The following ZNF484 variants were observed in gnomAD, a reference collection of about 807,000 sequenced individuals.
ZNF484 encodes the protein KRAB box containing C2H2 type zinc finger bA526D8.4.
In ZNF484, 11 loss-of-function variants were observed where a neutral mutation model predicts 12.9. That is an observed-to-expected ratio of 0.85 (90% CI 0.54 to 1.41). The LOEUF is 1.41. Among genes scored for constraint, ZNF484 ranks in the 40% most tolerant of loss-of-function variants. The pLI is 0.00. For synonymous variants in ZNF484, 289 were observed against 334.1 expected, an observed-to-expected ratio of 0.86 and a Z score of 1.47; for missense variants, 807 against 1,007.7, an observed-to-expected ratio of 0.80 and a Z score of 2.70.
chr9:92,862,428 G>A (rs530105525), intron 2 of ZNF484, among the ~76,000 whole-genome samples: 64 of 152,174 alleles, frequency 4.2e-4, no homozygotes, highest in Middle Eastern at 3.4e-3. Flanking sequence ...TACATGGAGT[G>A]TAAGACTAAG....
At chr9:92,861,821 G>T (rs947366996) in intron 2 of ZNF484, among the ~76,000 whole-genome samples, 1 of 152,126 alleles carries the variant, frequency 6.6e-6, no homozygotes, top group Non-Finnish European at 1.5e-5. Context: ...AGGCATAAAT[G>T]TACAGATTCA....
rs1485160479 is a variant in ZNF484 at position 92,847,153 on chromosome 9, C to T, written c.1634G>A (p.Cys545Tyr). ...WKSRLRIHQK[C>Y]HTGERHYECS... The stretch of plus-strand genomic sequence containing the variant: ...TTCATAATGTCTCTCTCCAGTATGA[C>T]ACTTCTGATGTATCCTGAGCCGAGA... Residue 545 changes from cysteine (C) to tyrosine (Y), a missense_variant, in exon 5 of 5, where the codon TGT becomes TAT. Coordinates refer to ENST00000375495, the MANE Select transcript of ZNF484 (RefSeq NM_031486.4). 2 of 1,613,940 alleles carry T rather than the reference C, an allele frequency of 1.2e-6. No homozygotes were observed. Among genetic ancestry groups the T allele is most frequent in the Non-Finnish European group, 1.7e-6 (2 of 1,179,960 alleles).
At position 92,856,317 on chromosome 9, in the gene ZNF484, T is replaced by A. The variant is rs746494764; in HGVS notation, c.17A>T (p.Glu6Val). The change falls in exon 3 of 5, where the codon GAA (glutamate) becomes GTA (valine). Residue 6 changes from glutamate (E) to valine (V), a missense_variant and splice_region_variant. Physicochemically the swap from Glu to Val is moderately radical, Grantham distance 121. Coordinates refer to ENST00000375495, the MANE Select transcript of ZNF484 (RefSeq NM_031486.4). ...AGTTACGTCCTTGAATGACACTGAT[T>A]CCTGTTAAAAAAAAAAAACAAACTT... MTKSL[E>V]SVSFKDVTVD... is the part of the protein sequence containing the mutation. The A allele has an allele frequency of 1.8e-5, 28 of 1,515,616 alleles. No individual in the cohort carries two copies. The highest frequency in any genetic ancestry group is 6.2e-6 in the Non-Finnish European group (7 of 1,137,550). 93.9% of individuals were successfully genotyped at this position (1,515,616 alleles called of 1,614,324 possible). A position where few individuals can be genotyped will look rare whatever the true frequency, so the allele number is the denominator to read the frequency against.
chr9:92,850,780 A>G (rs917123389), intron 4 of ZNF484, among the ~76,000 whole-genome samples: 1 of 152,166 alleles, frequency 6.6e-6, no homozygotes, highest in Admixed American at 6.5e-5. Flanking sequence ...TATTTTTAGT[A>G]GAGATGGGGT....
chr9:92,870,246 G>A (rs1298161269), intron 2 of ZNF484, among the ~76,000 whole-genome samples: 1 of 152,036 alleles, frequency 6.6e-6, no homozygotes, highest in Non-Finnish European at 1.5e-5. Flanking sequence ...CCAGGTGTTC[G>A]AAAAACCTAC....
chr9:92,855,791 G>T lies in ZNF484; in HGVS notation c.235+20C>A, dbSNP rs542539427. ...GCAGCTGAGTCATACTGTCTACCAT[G>T]CTCTTGGTTCCCTTCTCACCTGGAC... On this transcript the variant is annotated intron_variant, in intron 4 of 4. Coordinates refer to ENST00000375495, the MANE Select transcript of ZNF484 (RefSeq NM_031486.4). 3.1e-6 allele frequency: 5 copies of T among 1,609,806 alleles called. No individual in the cohort carries two copies. In the African/African-American group the frequency reaches 6.7e-5, roughly 21 times the overall value.
intron 4 of ZNF484, among the ~76,000 whole-genome samples, chr9:92,852,529 CTTTTTTTTT>C (rs760841960): frequency 1.6e-5 from 1 of 63,450 alleles, no homozygotes; most frequent in Non-Finnish European, 2.7e-5. Context: ...CACGCCCAGC[CTTTTTTTTT>C]TTTTTTTTTT....
At position 92,845,807 on chromosome 9, in the gene ZNF484, A is replaced by C. The variant is rs928961895; in HGVS notation, c.*421T>G. 1.3e-5 allele frequency: 2 copies of C among 158,782 alleles called. No homozygotes were observed. The highest frequency in any genetic ancestry group is 4.8e-5 in the African/African-American group (2 of 41,598). The allele number at this position is 158,782 out of a possible 1,614,324, so 9.8% of individuals were successfully genotyped here. A position where few individuals can be genotyped will look rare whatever the true frequency, so the allele number is the denominator to read the frequency against. ...ACTTCCCAAAGAAAATTTTAAAAAA[A>C]GTAGAGTCCTTTCTTTCTGTCTTTA... On this transcript the variant is annotated 3_prime_UTR_variant, in exon 5 of 5. Transcript: ENST00000375495. This position sits in a 1 kb window ranked among gnomAD's most constrained non-coding sequence, Gnocchi z 4.0.
chr9:92,856,014 AAG>A, intron 3 of ZNF484, 111 bp from the exon 4 acceptor site: 1 of 1,411,070 alleles, frequency 7.1e-7, no homozygotes, highest in Non-Finnish European at 9.8e-7. Flanking sequence ...CACTACCCGA[AAG>A]AGATTATTAA....
intron 2 of ZNF484, among the ~76,000 whole-genome samples, chr9:92,864,388 C>G (rs1856947186): frequency 6.6e-6 from 1 of 151,934 alleles, no homozygotes; most frequent in Non-Finnish European, 1.5e-5. Flanking sequence ...ATCTCGGGAA[C>G]TATCAAGTGA....
intron 2 of ZNF484, among the ~76,000 whole-genome samples, chr9:92,870,369 C>T (rs1402448157): frequency 6.6e-6 from 1 of 152,182 alleles, no homozygotes; most frequent in Admixed American, 6.5e-5. Context: ...TAGACAAAAC[C>T]TACTCCAACC....
In ZNF484 at chr9:92,845,330, ATTAAT is replaced by A. The variant is rs928741928; in HGVS notation, c.*893_*897del. ...AAATACAGAGAATTTGAAAAACAAAATTAATTAAGATTAGTTTGTAGAGATTGTGA... is the reference window on the plus strand; with the variant it reads ...AAATACAGAGAATTTGAAAAACAAAATAAGATTAGTTTGTAGAGATTGTGA... On this transcript the variant is annotated 3_prime_UTR_variant, in exon 5 of 5. Transcript: ENST00000375495. This position sits in a 1 kb window ranked among gnomAD's most constrained non-coding sequence, Gnocchi z 4.0. 7.2e-5 allele frequency: 11 copies of A among 152,204 alleles called. No homozygotes were observed. The highest frequency in any genetic ancestry group is 2.7e-4 in the African/African-American group (11 of 41,460). The allele number at this position is 152,204 out of a possible 1,614,324, so 9.4% of individuals were successfully genotyped here.
At chr9:92,855,360 AAG>A (rs780998955) in intron 4 of ZNF484, among the ~76,000 whole-genome samples, 49 of 152,166 alleles carry the variant, frequency 3.2e-4, no homozygotes, top group Non-Finnish European at 5.1e-4. Flanking sequence ...ACTAAGGGGA[AAG>A]AGACAAAATG....
At chr9:92,866,817 A>G (rs1289006623) in intron 2 of ZNF484, among the ~76,000 whole-genome samples, 3 of 152,232 alleles carry the variant, frequency 2.0e-5, no homozygotes, top group African/African-American at 7.2e-5. Flanking sequence ...AGCCATAAAA[A>G]GGAATCAGAT....
At chr9:92,858,516 T>C (rs1232819330) in intron 2 of ZNF484, among the ~76,000 whole-genome samples, 3 of 152,150 alleles carry the variant, frequency 2.0e-5, no homozygotes, top group Non-Finnish European at 4.4e-5. Context: ...GCTCTTCAAA[T>C]ACCTCTTTAC....
At chr9:92,854,704 G>A (rs1856332348) in intron 4 of ZNF484, among the ~76,000 whole-genome samples, 1 of 152,086 alleles carries the variant, frequency 6.6e-6, no homozygotes, top group Non-Finnish European at 1.5e-5. Flanking sequence ...GGGACAGAGC[G>A]AAACTCCATC....
chr9:92,846,085 T>C lies in ZNF484; in HGVS notation c.*143A>G. On this transcript the variant is annotated 3_prime_UTR_variant, in exon 5 of 5. Transcript: ENST00000375495. Reference sequence around the variant, plus strand: ...GACTGCCAATCATCTCCTTGCACATTTACTATTATTTGCAGGAGCTTGACA... The same window carrying C: ...GACTGCCAATCATCTCCTTGCACATCTACTATTATTTGCAGGAGCTTGACA... 1.3e-6 allele frequency: 1 copy of C among 781,828 alleles called. No homozygotes were observed. The highest frequency in any genetic ancestry group is 2.7e-5 in the East Asian group (1 of 37,518). The allele number at this position is 781,828 out of a possible 1,614,324, so 48.4% of individuals were successfully genotyped here. A position where few individuals can be genotyped will look rare whatever the true frequency, so the allele number is the denominator to read the frequency against.
Position 92,847,665 on chromosome 9 carries a change from A to G in ZNF484, c.1122T>C (p.His374=), listed in dbSNP as rs370646244. Residue 374 remains histidine, a synonymous_variant, in exon 5 of 5, where the codon CAT becomes CAC. Coordinates refer to ENST00000375495, the MANE Select transcript of ZNF484 (RefSeq NM_031486.4). ...NLPQNSNLNI[H]KKIHTGGKHF... ...GTTTCCCTCCAGTATGAATTTTTTT[A>G]TGTATATTAAGGTTTGAATTCTGAG... 3 of 1,612,794 alleles carry G rather than the reference A, an allele frequency of 1.9e-6. No homozygotes were observed. The highest frequency in any genetic ancestry group is 2.2e-5 in the East Asian group (1 of 44,874).
intron 2 of ZNF484, among the ~76,000 whole-genome samples, chr9:92,867,609 C>T (rs1174638260): frequency 1.3e-5 from 2 of 152,082 alleles, no homozygotes; most frequent in African/African-American, 2.4e-5. Context: ...GCACATGTAT[C>T]CTGGAACTTA....
Sources: gnomAD v4.1 joint callset for allele counts (sites outside exome capture counted in the v4.1 genomes callset) on GRCh38, gnomAD v4.1.1 for gene constraint, Gnocchi (gnomAD v3.1) non-coding constraint, MANE v1.5 for transcripts, NCBI Gene and HGNC (gene_info 2026-07-23, HGNC 2026-07-21) for gene names.